SLC13A4: variants seen among roughly 807,000 people sequenced by gnomAD.
The protein encoded by SLC13A4 is Na(+)/sulfate cotransporter SUT-1.
Under a neutral mutation model 72.7 loss-of-function variants are expected in SLC13A4, and 28 were observed. The ratio of observed to expected loss-of-function variants is 0.39; its 90% CI spans 0.29 to 0.53. SLC13A4 has a LOEUF of 0.53. Ranked by LOEUF, SLC13A4 falls within the 20% of genes least tolerant of loss-of-function variation. The pLI is 0.78. For missense variants in SLC13A4, 653 were observed against 788.0 expected (o/e 0.83, Z 2.05); for synonymous variants, 312 against 325.5 (o/e 0.96, Z 0.45).
chr7:135,699,793 A>G (rs993919071), intron 7 of SLC13A4, among the ~76,000 whole-genome samples: 3 of 152,206 alleles, frequency 2.0e-5, no homozygotes, highest in Non-Finnish European at 2.9e-5. Context: ...TAATATATGT[A>G]AAGCGCTTAG....
intron 2 of SLC13A4, among the ~76,000 whole-genome samples, chr7:135,711,570 G>A (rs1290885641): frequency 6.6e-6 from 1 of 152,164 alleles, no homozygotes; most frequent in African/African-American, 2.4e-5. Context: ...GGTTTAGGGA[G>A]CATCTCCCAG....
chr7:135,690,916 G>C (rs1273076957), intron 13 of SLC13A4, among the ~76,000 whole-genome samples: 1 of 152,186 alleles, frequency 6.6e-6, no homozygotes, highest in African/African-American at 2.4e-5. Context: ...TGTCATCCCA[G>C]CATTTTGGGA....
chr7:135,709,918 C>G (rs1337927410), intron 2 of SLC13A4, among the ~76,000 whole-genome samples: 1 of 152,186 alleles, frequency 6.6e-6, no homozygotes, highest in Non-Finnish European at 1.5e-5. Context: ...ATGTGTACTT[C>G]TCTTGTCTCT....
At chr7:135,712,093 G>C (rs1796318162) in intron 2 of SLC13A4, among the ~76,000 whole-genome samples, 2 of 146,454 alleles carry the variant, frequency 1.4e-5, no homozygotes, top group African/African-American at 5.0e-5. Flanking sequence ...CAAAGTGCTG[G>C]GATTACAGGC....
chr7:135,695,247 T>C lies in SLC13A4; in HGVS notation c.1019+121A>G, dbSNP rs1462951183. On this transcript the variant is annotated intron_variant, in intron 9 of 15. Coordinates refer to ENST00000682651, the MANE Select transcript of SLC13A4 (RefSeq NM_001318192.2). ...CTCAGACCAGACCACTGCATTCTCCTTGGGCATCCTCTGTGGTTACTTGGC... is the reference window on the plus strand; with the variant it reads ...CTCAGACCAGACCACTGCATTCTCCCTGGGCATCCTCTGTGGTTACTTGGC... 9 of 1,349,430 alleles carry C rather than the reference T, an allele frequency of 6.7e-6. No individual in the cohort carries two copies. In the Admixed American group the frequency reaches 1.5e-4, roughly 22 times the overall value. 83.6% of individuals were successfully genotyped at this position (1,349,430 alleles called of 1,614,324 possible).
intron 6 of SLC13A4, 169 bp downstream of exon 6, chr7:135,702,676 A>G (rs1796065889): frequency 1.5e-6 from 1 of 660,500 alleles, no homozygotes; most frequent in African/African-American, 1.8e-5. Context: ...ACGCCCAGCC[A>G]ATGTGTCCTT....
chr7:135,715,522 TGAGTGTGTGCCA>T (rs1796415231), intron 2 of SLC13A4, among the ~76,000 whole-genome samples: 1 of 139,864 alleles, frequency 7.1e-6, no homozygotes, highest in Non-Finnish European at 1.5e-5. Context: ...TGTGAGTGTG[TGAGTGTGTGCCA>T]GTGTGTGTGC....
At chr7:135,705,079 T>G (rs767320122) in intron 5 of SLC13A4, 1 of 153,574 alleles carries the variant, frequency 6.5e-6, no homozygotes, top group Non-Finnish European at 1.5e-5. Flanking sequence ...CTTCCCATCA[T>G]CACAAGGCCC....
chr7:135,715,323 G>C lies in SLC13A4; in HGVS notation c.228+6072C>G, dbSNP rs56408661. 1.5e-4 allele frequency among the ~76,000 whole-genome samples: 22 copies of C among 144,880 alleles called. No homozygotes were observed. In the East Asian group the frequency reaches 3.3e-3, roughly 22 times the overall value. On this transcript the variant is annotated intron_variant, in intron 2 of 15. Coordinates refer to ENST00000682651, the MANE Select transcript of SLC13A4 (RefSeq NM_001318192.2). ...CGTATATCTAAGCATGTGTATGTGT[G>C]TGAGTAAGTGTATGTATATGTGAGC... is the stretch of plus-strand genomic sequence containing the variant.
At chr7:135,725,345 C>T (rs899439366) in intron 1 of SLC13A4, among the ~76,000 whole-genome samples, 8 of 152,142 alleles carry the variant, frequency 5.3e-5, no homozygotes, top group Non-Finnish European at 1.2e-4. Context: ...TGACTGGGGG[C>T]GCCTTTTAAA....
intron 2 of SLC13A4, among the ~76,000 whole-genome samples, chr7:135,720,567 A>C (rs1366603849): frequency 1.3e-5 from 2 of 151,524 alleles, no homozygotes; most frequent in East Asian, 3.9e-4. Context: ...AAAAAAAAAA[A>C]AAAAAAACCA....
intron 2 of SLC13A4, among the ~76,000 whole-genome samples, chr7:135,717,889 C>A (rs997440983): frequency 6.6e-6 from 1 of 152,062 alleles, no homozygotes; most frequent in African/African-American, 2.4e-5. Flanking sequence ...AGTCTCACCA[C>A]CTGGGCTGGG....
chr7:135,727,423 G>C lies in SLC13A4; in HGVS notation c.74C>G (p.Pro25Arg). 1 of 1,549,866 alleles carries C rather than the reference G, an allele frequency of 6.5e-7. No individual in the cohort carries two copies. The highest frequency in any genetic ancestry group is 8.7e-7 in the Non-Finnish European group (1 of 1,146,914). ...LVVCVPLLLL[P>R]LPVLHPSSEA... Reference sequence around the variant, plus strand: ...GCTGCTGGGGTGGAGGACGGGCAGAGGCAGCAGCAGGAGCGGGACGCAGAC... The same window carrying C: ...GCTGCTGGGGTGGAGGACGGGCAGACGCAGCAGCAGGAGCGGGACGCAGAC... The change falls in exon 1 of 16, where the codon CCT (proline) becomes CGT (arginine). Residue 25 changes from proline (P) to arginine (R), a missense_variant. Physicochemically the swap from Pro to Arg is moderately radical, Grantham distance 103. Coordinates refer to ENST00000682651, the MANE Select transcript of SLC13A4 (RefSeq NM_001318192.2).
At chr7:135,682,442 G>A (rs566173938) in intron 15 of SLC13A4, among the ~76,000 whole-genome samples, 6 of 152,362 alleles carry the variant, frequency 3.9e-5, no homozygotes, top group Admixed American at 3.3e-4. Flanking sequence ...CATATAGCAT[G>A]TAGCCAAGAC....
intron 10 of SLC13A4, among the ~76,000 whole-genome samples, chr7:135,693,861 T>A (rs1179172639): frequency 1.3e-5 from 2 of 152,234 alleles, no homozygotes; most frequent in East Asian, 3.8e-4. Flanking sequence ...CTGTGCTGTC[T>A]TTCCCTTCTT....
intron 2 of SLC13A4, among the ~76,000 whole-genome samples, chr7:135,718,705 C>G (rs1327827878): frequency 6.6e-6 from 1 of 152,002 alleles, no homozygotes; most frequent in African/African-American, 2.4e-5. Flanking sequence ...GAGAACTTTC[C>G]AAAGTGGAAG....
intron 2 of SLC13A4, among the ~76,000 whole-genome samples, chr7:135,718,087 A>ACACG (rs1381595788): frequency 7.6e-4 from 63 of 83,404 alleles, no homozygotes; most frequent in African/African-American, 2.7e-3. Context: ...ACACACACAC[A>ACACG]CGCGCGCGCG....
intron 15 of SLC13A4, among the ~76,000 whole-genome samples, chr7:135,682,347 G>A (rs1251297795): frequency 6.6e-6 from 1 of 152,218 alleles, no homozygotes; most frequent in Non-Finnish European, 1.5e-5. Flanking sequence ...TGAAGTGGGG[G>A]ATGTGAGAGA....
intron 6 of SLC13A4, 163 bp from the exon 7 acceptor site, chr7:135,701,923 G>T (rs1796045720): frequency 3.4e-6 from 2 of 582,042 alleles, no homozygotes; most frequent in Non-Finnish European, 6.0e-6. Context: ...CCTCAGCCAG[G>T]CCTGCCCCGC....
Sources: gnomAD v4.1 joint callset for allele counts (sites outside exome capture counted in the v4.1 genomes callset) on GRCh38, gnomAD v4.1.1 for gene constraint, MANE v1.5 for transcripts, NCBI Gene and HGNC (gene_info 2026-07-23, HGNC 2026-07-21) for gene names.